The following BDP1 variants were observed in gnomAD, a reference collection of about 807,000 sequenced individuals.
The protein encoded by BDP1 is BDP1 general transcription factor IIIB subunit, also known as transcription factor TFIIIB component B'' homolog.
In BDP1, 169 loss-of-function variants were observed where a neutral mutation model predicts 266.6. The ratio of observed to expected loss-of-function variants is 0.63; its 90% CI spans 0.56 to 0.72. The LOEUF is 0.72. Ranked by LOEUF, BDP1 falls within the 30% of genes least tolerant of loss-of-function variation. BDP1 has a pLI of 0.00. For missense variants in BDP1, 3,015 were observed against 3,053.8 expected (o/e 0.99, Z 0.30); for synonymous variants, 1,090 against 1,022.4 (o/e 1.07, Z -1.26).
At chr5:71,473,619 A>T (rs1344091017) in intron 7 of BDP1, among the ~76,000 whole-genome samples, 1 of 150,428 alleles carries the variant, frequency 6.6e-6, no homozygotes, top group African/African-American at 2.4e-5. Context: ...GTTTTTATTG[A>T]TTTTTTTTTG....
intron 34 of BDP1, among the ~76,000 whole-genome samples, chr5:71,550,958 G>A (rs943122028): frequency 2.0e-5 from 3 of 152,020 alleles, no homozygotes; most frequent in Admixed American, 1.3e-4. Context: ...CACCTGCCTC[G>A]GTCTCCCAAA....
At chr5:71,472,270 G>A (rs1193205982) in intron 7 of BDP1, among the ~76,000 whole-genome samples, 3 of 152,324 alleles carry the variant, frequency 2.0e-5, no homozygotes, top group Middle Eastern at 6.8e-3. Flanking sequence ...AGACCAGCCA[G>A]GCCAACATGG....
In BDP1 at chr5:71,516,278, T is replaced by C. The variant is rs570103691; in HGVS notation, c.4860+7T>C. The C allele has an allele frequency of 1.2e-6, 2 of 1,600,212 alleles. No homozygotes were observed. Among genetic ancestry groups the C allele is most frequent in the East Asian group, 2.3e-5 (1 of 44,402 alleles). On this transcript the variant is annotated splice_region_variant and intron_variant, in intron 21 of 38. Transcript: ENST00000358731. The stretch of plus-strand genomic sequence containing the variant: ...AAAGAAAGTCTTAACTGTGGTGAGT[T>C]ATTGTTATGTAATTAAATTTAGCCT...
intron 22 of BDP1, among the ~76,000 whole-genome samples, chr5:71,520,011 C>T (rs1245356480): frequency 1.3e-5 from 2 of 152,226 alleles, no homozygotes; most frequent in African/African-American, 2.4e-5. Context: ...GCCATTTTAA[C>T]GGCAGTAGGA....
Position 71,463,315 on chromosome 5 carries a change from AT to A in BDP1, c.600-741del, listed in dbSNP as rs1185326706. Among the ~76,000 whole-genome samples, 13 of 152,210 alleles carry A rather than the reference AT, an allele frequency of 8.5e-5. No homozygotes were observed. In the East Asian group the frequency reaches 1.7e-3, roughly 20 times the overall value. On this transcript the variant is annotated intron_variant, in intron 3 of 38. Transcript: ENST00000358731. ...GGTTTATAATAAATCTCATTGTTGT[AT>A]TGTTGATGGTTTAGCAGGTAGAGGT... is the stretch of plus-strand genomic sequence containing the variant.
chr5:71,506,417 A>G (rs150255435), intron 16 of BDP1, among the ~76,000 whole-genome samples: 73 of 152,236 alleles, frequency 4.8e-4, no homozygotes, highest in African/African-American at 1.7e-3. Context: ...TACTCCACAT[A>G]TGTTGGCCTG....
intron 26 of BDP1, among the ~76,000 whole-genome samples, chr5:71,533,442 AT>A (rs1222419298): frequency 4.2e-5 from 5 of 118,808 alleles, no homozygotes; most frequent in South Asian, 2.8e-4. Flanking sequence ...GGCACTTGTT[AT>A]TTCACTTTTT....
chr5:71,474,528 C>T (rs1053133424), intron 7 of BDP1, among the ~76,000 whole-genome samples: 1 of 151,924 alleles, frequency 6.6e-6, no homozygotes, highest in East Asian at 1.9e-4. Context: ...GATGAGTTTT[C>T]ATCAGGTTGC....
intron 7 of BDP1, among the ~76,000 whole-genome samples, chr5:71,474,434 G>A (rs1306173846): frequency 6.6e-6 from 1 of 151,510 alleles, no homozygotes; most frequent in African/African-American, 2.4e-5. Flanking sequence ...GCAATCCCCT[G>A]CCTTAGCCTC....
At chr5:71,534,286 A>T (rs1280890446) in intron 26 of BDP1, among the ~76,000 whole-genome samples, 1 of 152,132 alleles carries the variant, frequency 6.6e-6, no homozygotes, top group Non-Finnish European at 1.5e-5. Flanking sequence ...TATCCAACTT[A>T]TGTCTTTTGC....
intron 22 of BDP1, among the ~76,000 whole-genome samples, chr5:71,518,835 C>CTTTTTT (rs35834219): frequency 7.8e-6 from 1 of 128,614 alleles, no homozygotes; most frequent in Non-Finnish European, 1.6e-5. Context: ...GTATGGATTA[C>CTTTTTT]TTTTTTTTTT....
intron 26 of BDP1, among the ~76,000 whole-genome samples, chr5:71,536,644 AG>A (rs1252845703): frequency 1.3e-5 from 2 of 152,072 alleles, no homozygotes; most frequent in Non-Finnish European, 2.9e-5. Flanking sequence ...TGGGCAACAG[AG>A]GGAGACTCTG....
intron 17 of BDP1, 112 bp from the exon 18 acceptor site, chr5:71,512,129 C>G: frequency 1.9e-6 from 1 of 526,600 alleles, no homozygotes; most frequent in Non-Finnish European, 3.1e-6. Flanking sequence ...AAATTAAAAA[C>G]TTCTAAAGTT....
chr5:71,461,778 A>T, intron 2 of BDP1, 39 bp from the exon 3 acceptor site: 1 of 1,163,438 alleles, frequency 8.6e-7, no homozygotes, highest in Non-Finnish European at 1.3e-6. Flanking sequence ...GAAATTCTTT[A>T]ATATTTATAA....
chr5:71,493,387 G>GT (rs1763705756), intron 11 of BDP1, among the ~76,000 whole-genome samples: 1 of 152,122 alleles, frequency 6.6e-6, no homozygotes, highest in Non-Finnish European at 1.5e-5. Context: ...AGCATCTCGA[G>GT]TAGCTGGGAC....
chr5:71,511,260 A>C, intron 17 of BDP1, 109 bp downstream of exon 17: 1 of 1,057,112 alleles, frequency 9.5e-7, no homozygotes, highest in Non-Finnish European at 1.4e-6. Context: ...AAAATCTCTA[A>C]AAGTCTAAAG....
Position 71,531,023 on chromosome 5 carries a change from C to T in BDP1, c.5773-1285C>T, listed in dbSNP as rs566178837. On this transcript the variant is annotated intron_variant, in intron 25 of 38. Coordinates refer to ENST00000358731, the MANE Select transcript of BDP1 (RefSeq NM_018429.3). Reference sequence around the variant, plus strand: ...TGAGAGGTTGAGGCTGTAGTGAACCCTGATAGTGCCACTGCACCGCAGCTT... The same window carrying T: ...TGAGAGGTTGAGGCTGTAGTGAACCTTGATAGTGCCACTGCACCGCAGCTT... Among the ~76,000 whole-genome samples, 20 of 152,180 alleles carry T rather than the reference C, an allele frequency of 1.3e-4. No homozygotes were observed. In the South Asian group the frequency reaches 3.9e-3, roughly 30 times the overall value.
intron 17 of BDP1, 116 bp downstream of exon 17, chr5:71,511,267 A>G (rs1004506952): frequency 1.9e-6 from 2 of 1,042,476 alleles, no homozygotes; most frequent in African/African-American, 1.6e-5. Context: ...CTAAAAGTCT[A>G]AAGTCTTTTG....
At chr5:71,548,655 C>T (rs769900498) in intron 32 of BDP1, 27 bp from the exon 33 acceptor site, 6 of 1,499,858 alleles carry the variant, frequency 4.0e-6, no homozygotes, top group Non-Finnish European at 5.6e-6. Flanking sequence ...GCCAACCTGA[C>T]TCTTTCATTT....
Sources: allele counts gnomAD v4.1 joint callset (sites outside exome capture counted in the v4.1 genomes callset), GRCh38; gene constraint gnomAD v4.1.1; transcripts MANE v1.5; gene names NCBI Gene and HGNC (gene_info 2026-07-23, HGNC 2026-07-21).